The following F8 variants were observed in gnomAD, a reference collection of about 807,000 sequenced individuals.
F8 encodes coagulation factor VIII.
In F8, 12 loss-of-function variants were observed where a neutral mutation model predicts 140.6. That is an observed-to-expected ratio of 0.09 (90% CI 0.05 to 0.14). The LOEUF is 0.14. Among genes scored for constraint, F8 ranks in the 10% least tolerant of loss-of-function variants. F8 has a pLI of 1.00. For missense variants in F8, 1,354 were observed against 1,720.7 expected, an observed-to-expected ratio of 0.79 and a Z score of 3.77; for synonymous variants, 585 against 614.6, an observed-to-expected ratio of 0.95 and a Z score of 0.71.
intron 25 of F8, among the ~76,000 whole-genome samples, chrX:154,850,345 C>G (rs2072605298): frequency 9.1e-6 from 1 of 110,021 alleles, no homozygotes; most frequent in East Asian, 2.8e-4. Flanking sequence ...GCAGGCTGGT[C>G]TTGAACTCCT....
chrX:154,868,873 C>CA (rs782200506), intron 22 of F8, among the ~76,000 whole-genome samples: 1,334 of 97,423 alleles, frequency 0.014, 21 homozygotes, highest in African/African-American at 0.045. Flanking sequence ...AAATGGAAAG[C>CA]AAAAAAAAAA....
At chrX:154,844,339 T>C (rs2148558811) in intron 25 of F8, among the ~76,000 whole-genome samples, 1 of 112,218 alleles carries the variant, frequency 8.9e-6, no homozygotes, top group South Asian at 3.7e-4. Context: ...AAGTCATTGG[T>C]AGCATGATGG....
intron 6 of F8, among the ~76,000 whole-genome samples, chrX:154,980,712 C>G (rs10482467): frequency 1.4e-3 from 151 of 111,733 alleles, no homozygotes; most frequent in African/African-American, 4.7e-3. Flanking sequence ...TAACCTAGCA[C>G]TTTAGGAGGC....
chrX:154,912,018 C>G lies in F8; in HGVS notation c.5220-5445G>C, dbSNP rs782559063. 1.4e-4 allele frequency among the ~76,000 whole-genome samples: 16 copies of G among 112,087 alleles called. No individual in the cohort carries two copies. In the South Asian group the frequency reaches 5.9e-3, roughly 42 times the overall value. On this transcript the variant is annotated intron_variant, in intron 14 of 25. Coordinates refer to ENST00000360256, the MANE Select transcript of F8 (RefSeq NM_000132.4). ...TGTTTTCTTTTGAGAAATGTTTATTCAGATCTTTGTTCATTTTTAATAGGA... is the reference window on the plus strand; with the variant it reads ...TGTTTTCTTTTGAGAAATGTTTATTGAGATCTTTGTTCATTTTTAATAGGA...
intron 6 of F8, among the ~76,000 whole-genome samples, chrX:154,979,978 G>A (rs1043051830): frequency 2.7e-5 from 3 of 111,443 alleles, no homozygotes; most frequent in African/African-American, 9.8e-5. Flanking sequence ...GGAACACTAA[G>A]GGTCTCTTAC....
At chrX:155,021,736 ACT>A (rs2124173816) in intron 1 of F8, among the ~76,000 whole-genome samples, 1 of 111,929 alleles carries the variant, frequency 8.9e-6, no homozygotes, top group South Asian at 3.7e-4. Flanking sequence ...ATCACAGGAG[ACT>A]CTTACATAAC....
chrX:155,022,576 C>T lies in F8; in HGVS notation c.-24G>A. Reference sequence around the variant, plus strand: ...ATGACTTATTGCTACAAATGTTCAACTGGAGAAGCAAAAGGTTAATTCTTC... The same window carrying T: ...ATGACTTATTGCTACAAATGTTCAATTGGAGAAGCAAAAGGTTAATTCTTC... On this transcript the variant is annotated 5_prime_UTR_variant, in exon 1 of 26. Transcript: ENST00000360256. The T allele has an allele frequency of 8.3e-7, 1 of 1,211,911 alleles. No homozygotes were observed. The highest frequency in any genetic ancestry group is 1.1e-6 in the Non-Finnish European group (1 of 895,439).
At position 154,931,605 on chromosome X, in the gene F8, T is replaced by G; in HGVS notation, c.2185A>C (p.Ser729Arg). The G allele has an allele frequency of 8.3e-7, 1 of 1,211,632 alleles. No individual in the cohort carries two copies. Among genetic ancestry groups the G allele is most frequent in the Non-Finnish European group, 1.1e-6 (1 of 895,254 alleles). The change falls in exon 14 of 26, where the codon AGT becomes CGT. Residue 729 changes from serine (S) to arginine (R), a missense_variant. This residue lies in a region of F8 where 252 missense variants were observed against 338.5 expected (regional missense o/e 0.74). Coordinates refer to ENST00000360256, the MANE Select transcript of F8 (RefSeq NM_000132.4). ...RGMTALLKVS[S>R]CDKNTGDYYE... The stretch of plus-strand genomic sequence containing the variant: ...TAATCACCAGTGTTCTTGTCACAAC[T>G]AGAAACCTTCAGTAAGGCGGTCATG...
At chrX:155,001,457 C>T (rs1458142091) in intron 1 of F8, among the ~76,000 whole-genome samples, 2 of 108,663 alleles carry the variant, frequency 1.8e-5, no homozygotes, top group Admixed American at 2.0e-4. Context: ...CCACCATGCC[C>T]GGTTAATGTT....
chrX:154,906,844 T>C (rs1401698848), intron 14 of F8, among the ~76,000 whole-genome samples: 1 of 112,556 alleles, frequency 8.9e-6, no homozygotes, highest in African/African-American at 3.2e-5. Context: ...GTTGAATGAA[T>C]GTAAAGTTTA....
intron 6 of F8, among the ~76,000 whole-genome samples, chrX:154,975,645 G>A (rs2073481105): frequency 8.9e-6 from 1 of 111,869 alleles, no homozygotes; most frequent in Non-Finnish European, 1.9e-5. Flanking sequence ...TCTGTCCATT[G>A]GTGAAAGTGG....
intron 25 of F8, among the ~76,000 whole-genome samples, chrX:154,855,793 A>G (rs964151346): frequency 1.3e-4 from 14 of 110,755 alleles, no homozygotes; most frequent in African/African-American, 4.3e-4. Flanking sequence ...CTATAACTAC[A>G]CTCAAGTCCC....
chrX:154,972,058 G>T (rs944782779), intron 6 of F8, among the ~76,000 whole-genome samples: 52 of 112,153 alleles, frequency 4.6e-4, no homozygotes, highest in African/African-American at 1.6e-3. Context: ...GGGATTGCTA[G>T]AAAATATGAT....
chrX:155,020,488 C>A (rs2073754927), intron 1 of F8, among the ~76,000 whole-genome samples: 1 of 112,001 alleles, frequency 8.9e-6, no homozygotes, highest in African/African-American at 3.2e-5. Flanking sequence ...CTTGCCGACT[C>A]TGAAGATATG....
intron 13 of F8, among the ~76,000 whole-genome samples, chrX:154,936,620 TAAC>T (rs1473552802): frequency 8.9e-6 from 1 of 111,791 alleles, no homozygotes; most frequent in Admixed American, 9.6e-5. Flanking sequence ...AAAATCAAAA[TAAC>T]AAACTCAACA....
chrX:154,956,118 A>G (rs1435462520), intron 11 of F8, among the ~76,000 whole-genome samples: 1 of 112,328 alleles, frequency 8.9e-6, no homozygotes, highest in African/African-American at 3.2e-5. Context: ...TCGCTTTTGC[A>G]AGAAGAGAAA....
intron 14 of F8, among the ~76,000 whole-genome samples, chrX:154,918,073 T>C (rs782779630): frequency 3.6e-5 from 4 of 111,998 alleles, no homozygotes; most frequent in Non-Finnish European, 7.5e-5. Flanking sequence ...AGTATGCCTG[T>C]CTAAAGGTTA....
chrX:154,900,969 T>C (rs782808681), intron 20 of F8, among the ~76,000 whole-genome samples: 1 of 113,029 alleles, frequency 8.8e-6, no homozygotes, highest in East Asian at 2.8e-4. Flanking sequence ...ATAGCTCACA[T>C]GCCATACAAA....
At position 154,860,461 on chromosome X, in the gene F8, T is replaced by C. The variant is rs139348729; in HGVS notation, c.6871A>G (p.Thr2291Ala). Residue 2291 changes from threonine to alanine, a missense_variant, in exon 25 of 26, where the codon ACT becomes GCT. This residue lies in a region of F8 where 316 missense variants were observed against 485.4 expected (regional missense o/e 0.65). Transcript: ENST00000360256. The part of the protein sequence containing the change: ...ISSSQDGHQW[T>A]LFFQNGKVKV... ...ACTTTGCCATTCTGAAAAAAGAGAG[T>C]CCACTGATGGCCATCTTGACTGCTG... The C allele has an allele frequency of 9.8e-5, 118 of 1,208,820 alleles. No homozygotes were observed. Among genetic ancestry groups the C allele is most frequent in the Non-Finnish European group, 1.3e-4 (113 of 894,843 alleles).
Sources: gnomAD v4.1 joint callset for allele counts (sites outside exome capture counted in the v4.1 genomes callset) on GRCh38, gnomAD v4.1.1 for gene constraint, gnomAD v4.1.1 regional missense constraint, MANE v1.5 for transcripts, NCBI Gene and HGNC (gene_info 2026-07-23, HGNC 2026-07-21) for gene names.